Variants in NBEA observed in about 807,000 individuals in gnomAD.
The protein encoded by NBEA is neurobeachin.
A neutral mutation model predicts 343.4 loss-of-function variants in NBEA; 44 were observed. The ratio of observed to expected loss-of-function variants is 0.13; its 90% confidence interval spans 0.10 to 0.16. The LOEUF is 0.16. Among genes scored for constraint, NBEA ranks in the 10% least tolerant of loss-of-function variants. The probability of loss-of-function intolerance (pLI) is 1.00; values close to 1 mark genes in which losing one functional copy is unlikely to be tolerated. For synonymous variants in NBEA, 1,175 were observed against 1,238.7 expected, an observed-to-expected ratio of 0.95 and a Z score of 1.08; for missense variants, 2,555 against 3,631.3, an observed-to-expected ratio of 0.70 and a Z score of 7.62.
At chr13:35,045,249 T>C in intron 3 of NBEA, 57 bp from the exon 4 acceptor site, 1 of 1,424,530 alleles carries the variant, frequency 7.0e-7, no homozygotes, top group Non-Finnish European at 9.7e-7. Flanking sequence ...ACATGGTATA[T>C]TAAGTATGAT....
chr13:35,551,099 T>C, intron 43 of NBEA, 67 bp downstream of exon 43: 1 of 925,758 alleles, frequency 1.1e-6, no homozygotes, highest in East Asian at 2.6e-5. Context: ...ATTACAGCAA[T>C]GTAAATGTGG....
intron 36 of NBEA, 23 bp downstream of exon 36, chr13:35,309,615 A>G (rs1307207705): frequency 1.4e-6 from 2 of 1,417,488 alleles, no homozygotes; most frequent in Non-Finnish European, 1.9e-6. Context: ...ACAATTTTAG[A>G]CAACTAGTCA....
rs761384147 is a variant in NBEA at position 35,062,716 on chromosome 13, T to A, written c.1239+3853T>A. ...AAAGTTCTGAAAGGAAGAAAAAAAA[T>A]CTGTCAACCTAGAATTTTTTTATCC... On this transcript the variant is annotated intron_variant, in intron 8 of 58. Coordinates refer to ENST00000379939, the MANE Select transcript of NBEA (RefSeq NM_001385012.1). Among the ~76,000 whole-genome samples the A allele has an allele frequency of 7.9e-5, 12 of 151,952 alleles. No homozygotes were observed. The South Asian group carries it at 8.3e-4, about 10-fold the overall frequency.
intron 8 of NBEA, among the ~76,000 whole-genome samples, chr13:35,062,494 C>G (rs1008261910): frequency 6.6e-6 from 1 of 151,622 alleles, no homozygotes; most frequent in Non-Finnish European, 1.5e-5. Flanking sequence ...GAAGAAACTC[C>G]GAAAACTCCA....
chr13:35,164,461 T>C lies in NBEA; in HGVS notation c.4185T>C (p.Ile1395=). 1 of 1,610,956 alleles carries C rather than the reference T, an allele frequency of 6.2e-7. No homozygotes were observed. Among genetic ancestry groups the C allele is most frequent in the Non-Finnish European group, 8.5e-7 (1 of 1,178,392 alleles). ...CCCAAATGGTAGACAACATCATCATTGCTTGTGGAGGAATTTTACCTTTGC... is the reference window on the plus strand; with the variant it reads ...CCCAAATGGTAGACAACATCATCATCGCTTGTGGAGGAATTTTACCTTTGC... ...LISQMVDNII[I]ACGGILPLLS... The change falls in exon 24 of 59, where the codon ATT becomes ATC. Residue 1395 remains isoleucine, a synonymous_variant. Coordinates refer to ENST00000379939, the MANE Select transcript of NBEA (RefSeq NM_001385012.1).
intron 36 of NBEA, among the ~76,000 whole-genome samples, chr13:35,318,111 G>T (rs930671425): frequency 7.9e-5 from 12 of 152,068 alleles, no homozygotes; most frequent in African/African-American, 2.9e-4. Flanking sequence ...TTGCCTGATT[G>T]CCCTGGCCAG....
At chr13:35,222,401 T>G (rs2074418873) in intron 33 of NBEA, among the ~76,000 whole-genome samples, 1 of 152,116 alleles carries the variant, frequency 6.6e-6, no homozygotes, top group African/African-American at 2.4e-5. Flanking sequence ...TTTTTATATT[T>G]TAATTGGTAT....
chr13:35,349,380 A>G (rs2040055238), intron 37 of NBEA, among the ~76,000 whole-genome samples, 164 bp downstream of exon 37: 1 of 152,140 alleles, frequency 6.6e-6, no homozygotes, highest in Admixed American at 6.6e-5. Flanking sequence ...GAGTACTAAT[A>G]TATTTTCACC....
chr13:35,166,410 G>A (rs1158786887), intron 24 of NBEA, among the ~76,000 whole-genome samples: 1 of 152,004 alleles, frequency 6.6e-6, no homozygotes, highest in Non-Finnish European at 1.5e-5. Context: ...TTTGAGGTTG[G>A]CTTCCAAAAT....
At position 35,110,993 on chromosome 13, in the gene NBEA, TC is replaced by T. The variant is rs1375922840; in HGVS notation, c.2002+17del. On this transcript the variant is annotated intron_variant, in intron 13 of 58. Transcript: ENST00000379939. Reference sequence around the variant, plus strand: ...TAAAGGATTAGGTATGTATACCACTTCCACTGTATTTACATTTGCCTATGAT... The same window carrying T: ...TAAAGGATTAGGTATGTATACCACTTCACTGTATTTACATTTGCCTATGAT... 6.3e-7 allele frequency: 1 copy of T among 1,580,560 alleles called. No homozygotes were observed. Among genetic ancestry groups the T allele is most frequent in the South Asian group, 1.1e-5 (1 of 88,088 alleles).
intron 38 of NBEA, among the ~76,000 whole-genome samples, chr13:35,377,425 G>T (rs2041803755): frequency 6.6e-6 from 1 of 152,184 alleles, no homozygotes; most frequent in Non-Finnish European, 1.5e-5. Context: ...GGAGATTAGG[G>T]TCTGATGGGA....
intron 36 of NBEA, among the ~76,000 whole-genome samples, chr13:35,324,432 C>T (rs1332363873): frequency 6.6e-6 from 1 of 152,142 alleles, no homozygotes; most frequent in Non-Finnish European, 1.5e-5. Flanking sequence ...TAACATGTCT[C>T]TTATAAAGAT....
chr13:35,073,120 G>A (rs796433551), intron 10 of NBEA, among the ~76,000 whole-genome samples: 17 of 152,128 alleles, frequency 1.1e-4, no homozygotes, highest in South Asian at 1.0e-3. Flanking sequence ...ATGTGCATCA[G>A]TGAAATAGTC....
At chr13:35,174,047 C>T (rs527595790) in intron 27 of NBEA, among the ~76,000 whole-genome samples, 3 of 152,192 alleles carry the variant, frequency 2.0e-5, no homozygotes, top group East Asian at 1.9e-4. Context: ...TGGCCCTTGG[C>T]GTCACATCCA....
intron 38 of NBEA, among the ~76,000 whole-genome samples, chr13:35,415,398 A>C (rs894504531): frequency 4.6e-5 from 7 of 152,220 alleles, no homozygotes; most frequent in African/African-American, 1.7e-4. Flanking sequence ...TCCATCTTGA[A>C]TTAATTTTTG....
At chr13:35,118,935 A>G (rs1182432087) in intron 16 of NBEA, among the ~76,000 whole-genome samples, 33 of 151,838 alleles carry the variant, frequency 2.2e-4, no homozygotes, top group African/African-American at 7.5e-4. Context: ...TCAGATTGCT[A>G]TTTTGTTAGA....
At chr13:35,338,563 T>C (rs1437515863) in intron 36 of NBEA, among the ~76,000 whole-genome samples, 1 of 152,054 alleles carries the variant, frequency 6.6e-6, no homozygotes, top group Non-Finnish European at 1.5e-5. Context: ...GCAGTCCTTC[T>C]CAAACTCTCC....
chr13:35,204,117 C>G (rs983797561), intron 31 of NBEA, among the ~76,000 whole-genome samples: 1 of 152,168 alleles, frequency 6.6e-6, no homozygotes, highest in Admixed American at 6.5e-5. Flanking sequence ...CCTCATTGCT[C>G]GCATTACTGC....
chr13:35,283,925 A>G (rs1178508088), intron 34 of NBEA, among the ~76,000 whole-genome samples: 1 of 151,888 alleles, frequency 6.6e-6, no homozygotes, highest in Non-Finnish European at 1.5e-5. Flanking sequence ...GTGTGTATGT[A>G]TGCATATGTT....
Sources: allele counts gnomAD v4.1 joint callset (sites outside exome capture counted in the v4.1 genomes callset), GRCh38; gene constraint gnomAD v4.1.1; transcripts MANE v1.5; gene names NCBI Gene and HGNC (gene_info 2026-07-23, HGNC 2026-07-21).